R3HDM1: variants seen among roughly 807,000 people sequenced by gnomAD.
The protein encoded by R3HDM1 is R3H domain containing 1, also known as R3H domain-containing protein 1.
A neutral mutation model predicts 141.1 loss-of-function variants in R3HDM1; 46 were observed. The observed-to-expected ratio is 0.33, with a 90% CI of 0.26 to 0.42. R3HDM1 has a LOEUF of 0.42. Ranked by LOEUF, R3HDM1 falls within the 10% of genes least tolerant of loss-of-function variation. The pLI is 1.00. For missense variants in R3HDM1, 1,184 were observed against 1,368.3 expected (o/e 0.87, Z 2.12); for synonymous variants, 435 against 472.9 (o/e 0.92, Z 1.04).
intron 1 of R3HDM1, among the ~76,000 whole-genome samples, chr2:135,532,224 A>G (rs1695015351): frequency 6.6e-6 from 1 of 152,262 alleles, no homozygotes; most frequent in African/African-American, 2.4e-5. Context: ...CTGTGGTACC[A>G]GAAAAAGCAC....
rs2076999266 is a variant in R3HDM1 at position 135,724,466 on chromosome 2, C to T, written c.*174C>T. ...AGCAAAGGGGGAAAAATATGCATTT[C>T]ACCCCACATGACTAGGAATCCACAT... On this transcript the variant is annotated 3_prime_UTR_variant, in exon 27 of 27. Coordinates refer to ENST00000683871, the MANE Select transcript of R3HDM1 (RefSeq NM_001378107.1). The T allele has an allele frequency of 1.8e-6, 1 of 549,946 alleles. No homozygotes were observed. The highest frequency in any genetic ancestry group is 3.2e-6 in the Non-Finnish European group (1 of 314,612). 34.1% of individuals were successfully genotyped at this position (549,946 alleles called of 1,614,324 possible).
intron 9 of R3HDM1, among the ~76,000 whole-genome samples, chr2:135,632,755 A>G (rs999887820): frequency 1.3e-5 from 2 of 152,200 alleles, no homozygotes; most frequent in African/African-American, 4.8e-5. Context: ...ATCGAAAGGA[A>G]TTTCAGTTTG....
chr2:135,641,393 A>T, intron 14 of R3HDM1, 143 bp from the exon 15 acceptor site: 1 of 969,204 alleles, frequency 1.0e-6, no homozygotes, highest in Non-Finnish European at 1.5e-6. Flanking sequence ...AGGGTAAGCA[A>T]ACGTGGACAG....
chr2:135,654,427 T>TTTGTTGTTGTTG (rs35477275), intron 18 of R3HDM1, among the ~76,000 whole-genome samples: 11 of 149,102 alleles, frequency 7.4e-5, no homozygotes, highest in Admixed American at 2.0e-4. Flanking sequence ...AATGTTTTCT[T>TTTGTTGTTGTTG]TTGTTGTTGT....
At chr2:135,546,429 C>T (rs1380142608) in intron 1 of R3HDM1, among the ~76,000 whole-genome samples, 3 of 152,114 alleles carry the variant, frequency 2.0e-5, no homozygotes, top group Non-Finnish European at 4.4e-5. Context: ...GCACTCAAGA[C>T]CCTCCAGCCT....
chr2:135,710,289 G>A, intron 23 of R3HDM1, 58 bp downstream of exon 23: 1 of 1,508,600 alleles, frequency 6.6e-7, no homozygotes. Context: ...ACCTAAGATT[G>A]ACTTATAAGG....
At chr2:135,709,096 A>T (rs531836514) in intron 21 of R3HDM1, among the ~76,000 whole-genome samples, 1 of 151,920 alleles carries the variant, frequency 6.6e-6, no homozygotes, top group South Asian at 2.1e-4. Context: ...ATTCTTAGTA[A>T]TTAGTCTCGC....
intron 7 of R3HDM1, among the ~76,000 whole-genome samples, chr2:135,627,555 A>T (rs1373648624): frequency 6.6e-6 from 1 of 152,124 alleles, no homozygotes; most frequent in African/African-American, 2.4e-5. Context: ...ACATAATTTT[A>T]TATGTATTTT....
intron 5 of R3HDM1, among the ~76,000 whole-genome samples, chr2:135,618,278 A>G (rs2061228992): frequency 6.6e-6 from 1 of 150,906 alleles, no homozygotes; most frequent in Non-Finnish European, 1.5e-5. Context: ...ATTCTGCCTC[A>G]GCCTGCCGAG....
chr2:135,547,087 C>T (rs925034477), intron 1 of R3HDM1, among the ~76,000 whole-genome samples: 1 of 152,082 alleles, frequency 6.6e-6, no homozygotes, highest in African/African-American at 2.4e-5. Context: ...ATAACTCCTC[C>T]ATCTTTTGAA....
chr2:135,576,836 C>T (rs777606205), intron 1 of R3HDM1, among the ~76,000 whole-genome samples: 9 of 151,894 alleles, frequency 5.9e-5, no homozygotes, highest in African/African-American at 1.9e-4. Context: ...TAGTGGTTGC[C>T]GGGGGCTAAG....
intron 19 of R3HDM1, among the ~76,000 whole-genome samples, chr2:135,662,503 C>T (rs373361311): frequency 9.9e-5 from 15 of 152,128 alleles, no homozygotes; most frequent in African/African-American, 3.1e-4. Flanking sequence ...GGAGTTGTCT[C>T]GTTGTTAGTT....
rs1464268461 is a variant in R3HDM1, at chr2:135,710,119, A to C, written c.2624A>C (p.Asn875Thr). 4 of 1,614,070 alleles carry C rather than the reference A, an allele frequency of 2.5e-6. No individual in the cohort carries two copies. Among genetic ancestry groups the C allele is most frequent in the Non-Finnish European group, 3.4e-6 (4 of 1,180,034 alleles). The change falls in exon 23 of 27, where the codon AAT (asparagine) becomes ACT (threonine). Residue 875 changes from asparagine to threonine, a missense_variant. Physicochemically the swap from Asn to Thr is moderately conservative, Grantham distance 65. Transcript: ENST00000683871. ...ATGATGCAGCTCAGTGTACCAAACAATCCACAATCTTGTGCCCACTCACCC... is the reference window on the plus strand; with the variant it reads ...ATGATGCAGCTCAGTGTACCAAACACTCCACAATCTTGTGCCCACTCACCC... ...MVMMQLSVPN[N>T]PQSCAHSPPQ...
At chr2:135,555,889 A>G (rs1453158976) in intron 1 of R3HDM1, among the ~76,000 whole-genome samples, 1 of 152,040 alleles carries the variant, frequency 6.6e-6, no homozygotes, top group Admixed American at 6.6e-5. Context: ...GGTGGCATAC[A>G]TTTGTGGTCC....
chr2:135,702,987 T>C (rs564463181), intron 21 of R3HDM1, among the ~76,000 whole-genome samples: 155 of 152,302 alleles, frequency 1.0e-3, no homozygotes, highest in African/African-American at 3.6e-3. Flanking sequence ...GCTAATACGC[T>C]GCTTGATGAT....
At chr2:135,667,493 C>G in intron 19 of R3HDM1, 11 of 447,214 alleles carry the variant, frequency 2.5e-5, no homozygotes, top group Non-Finnish European at 3.2e-5. Flanking sequence ...GGCTTTCCCA[C>G]AATATTGACG....
At chr2:135,709,203 A>G (rs1189183752) in intron 21 of R3HDM1, among the ~76,000 whole-genome samples, 1 of 152,016 alleles carries the variant, frequency 6.6e-6, no homozygotes, top group African/African-American at 2.4e-5. Context: ...CCTCCTGAAT[A>G]GCTGGGACTA....
intron 21 of R3HDM1, among the ~76,000 whole-genome samples, chr2:135,683,552 TCA>T (rs1491436300): frequency 1.7e-5 from 1 of 58,252 alleles, no homozygotes; most frequent in Non-Finnish European, 2.4e-5. Context: ...AGAACCTATC[TCA>T]AAAAAAAAAA....
chr2:135,570,854 G>A (rs572690991), intron 1 of R3HDM1, among the ~76,000 whole-genome samples: 10 of 151,980 alleles, frequency 6.6e-5, no homozygotes, highest in African/African-American at 2.2e-4. Context: ...AACTATTTTC[G>A]TTTTTAAAAA....
Sources: gnomAD v4.1 joint callset for allele counts (sites outside exome capture counted in the v4.1 genomes callset) on GRCh38, gnomAD v4.1.1 for gene constraint, MANE v1.5 for transcripts, NCBI Gene and HGNC (gene_info 2026-07-23, HGNC 2026-07-21) for gene names.